Variants in CLMP observed in about 807,000 individuals in gnomAD.
CLMP encodes the protein CXADR like cell adhesion molecule, also known as CXADR-like membrane protein.
In CLMP, 27 loss-of-function variants were observed where a neutral mutation model predicts 45.2. The observed-to-expected ratio is 0.60, with a 90% CI of 0.44 to 0.82. The LOEUF (loss-of-function observed/expected upper bound fraction) is 0.82, where lower values mean the gene tolerates loss of function less well. Among genes scored for constraint, CLMP ranks in the 40% least tolerant of loss-of-function variants. CLMP has a pLI of 0.00. For missense variants in CLMP, 403 were observed against 448.4 expected, an observed-to-expected ratio of 0.90 and a Z score of 0.91; for synonymous variants, 167 against 171.4, an observed-to-expected ratio of 0.97 and a Z score of 0.20.
chr11:123,192,354 C>A (rs73017877), intron 1 of CLMP, among the ~76,000 whole-genome samples: 1 of 151,758 alleles, frequency 6.6e-6, no homozygotes, highest in Non-Finnish European at 1.5e-5. Context: ...ATTCCCCTAC[C>A]CCTATGCCCA....
At chr11:123,103,678 C>T (rs1481205309) in intron 1 of CLMP, among the ~76,000 whole-genome samples, 2 of 152,012 alleles carry the variant, frequency 1.3e-5, no homozygotes, top group Non-Finnish European at 2.9e-5. Flanking sequence ...TTTCTAAGGT[C>T]CTTCTCCTTC....
At chr11:123,085,751 G>A (rs920987614) in intron 2 of CLMP, among the ~76,000 whole-genome samples, 13 of 149,820 alleles carry the variant, frequency 8.7e-5, no homozygotes, top group Non-Finnish European at 1.8e-4. Flanking sequence ...ATTTCACTAA[G>A]CCGAACTAAT....
chr11:123,187,753 A>G lies in CLMP; in HGVS notation c.28+7160T>C, dbSNP rs188592650. ...GTAACTGTGTCACTGGCAGGTTGTG[A>G]TGAAGAATGAGACCATAACCTTCAA... On this transcript the variant is annotated intron_variant, in intron 1 of 6. Coordinates refer to ENST00000448775, the MANE Select transcript of CLMP (RefSeq NM_024769.5). 8.2e-3 allele frequency among the ~76,000 whole-genome samples: 1,254 copies of G among 152,234 alleles called. 24 individuals carry two copies. Among genetic ancestry groups the G allele is most frequent in the African/African-American group, 0.028 (1,181 of 41,546 alleles).
chr11:123,073,453 G>T lies in CLMP; in HGVS notation c.*21C>A, dbSNP rs1442548711. The stretch of plus-strand genomic sequence containing the variant: ...AAGACCCTGACTCCTAGGAAAGCGT[G>T]GGAGTCAAGTCCATTGTAATTCAGA... On this transcript the variant is annotated 3_prime_UTR_variant, in exon 7 of 7. Transcript: ENST00000448775. The T allele has an allele frequency of 3.2e-6, 5 of 1,583,184 alleles. No individual in the cohort carries two copies. Among genetic ancestry groups the T allele is most frequent in the Non-Finnish European group, 4.3e-6 (5 of 1,163,438 alleles).
intron 1 of CLMP, among the ~76,000 whole-genome samples, chr11:123,184,060 G>C (rs1483149966): frequency 2.0e-5 from 3 of 152,230 alleles, no homozygotes; most frequent in Admixed American, 2.0e-4. Context: ...TGCTAACATA[G>C]GGATAAGCAC....
chr11:123,096,529 A>T (rs1865991409), intron 2 of CLMP, among the ~76,000 whole-genome samples: 2 of 152,128 alleles, frequency 1.3e-5, no homozygotes, highest in African/African-American at 4.8e-5. Flanking sequence ...GTCCCAAAAT[A>T]AAAAAATAAA....
At chr11:123,089,582 G>A (rs922367326) in intron 2 of CLMP, among the ~76,000 whole-genome samples, 6 of 151,064 alleles carry the variant, frequency 4.0e-5, no homozygotes, top group South Asian at 2.1e-4. Context: ...TGGCTAACAC[G>A]GTGAAACCCC....
chr11:123,119,607 T>TCC (rs1860785056), intron 1 of CLMP, among the ~76,000 whole-genome samples: 2 of 151,918 alleles, frequency 1.3e-5, no homozygotes, highest in African/African-American at 4.8e-5. Context: ...CAAAATAGTA[T>TCC]ACAGTGAAAA....
At chr11:123,191,145 A>C (rs1002506425) in intron 1 of CLMP, among the ~76,000 whole-genome samples, 24 of 152,218 alleles carry the variant, frequency 1.6e-4, no homozygotes, top group Non-Finnish European at 3.4e-4. Flanking sequence ...CTGGGACTCA[A>C]AATTTTAAGA....
At chr11:123,164,060 T>C (rs1861523453) in intron 1 of CLMP, among the ~76,000 whole-genome samples, 2 of 152,184 alleles carry the variant, frequency 1.3e-5, no homozygotes, top group Non-Finnish European at 2.9e-5. Context: ...CAACATGGCC[T>C]ACCATTTATT....
chr11:123,114,424 T>TTCCCTCCCTCCA (rs1860690291), intron 1 of CLMP, among the ~76,000 whole-genome samples: 1 of 124,864 alleles, frequency 8.0e-6, no homozygotes, highest in Non-Finnish European at 1.7e-5. Context: ...TGCATTTTCT[T>TTCCCTCCCTCCA]TCCCTCCCTC....
chr11:123,136,333 G>GT, intron 1 of CLMP: 1 of 603,862 alleles, frequency 1.7e-6, no homozygotes, highest in Non-Finnish European at 3.2e-6. Flanking sequence ...CCAACACTTC[G>GT]TAAGAGTCGT....
intron 1 of CLMP, among the ~76,000 whole-genome samples, chr11:123,137,125 A>G (rs1250888839): frequency 7.1e-6 from 1 of 141,596 alleles, no homozygotes; most frequent in African/African-American, 2.7e-5. Context: ...TTCCTTGCAG[A>G]CCTTTCTCTT....
chr11:123,076,813 G>C (rs1865745739), intron 5 of CLMP, among the ~76,000 whole-genome samples: 1 of 152,028 alleles, frequency 6.6e-6, no homozygotes, highest in Admixed American at 6.6e-5. Flanking sequence ...GGCTGCTCTA[G>C]GGAAAATAAA....
At chr11:123,123,075 T>A (rs540440322) in intron 1 of CLMP, among the ~76,000 whole-genome samples, 1 of 151,996 alleles carries the variant, frequency 6.6e-6, no homozygotes, top group African/African-American at 2.4e-5. Flanking sequence ...GGAAAAATAT[T>A]TGTTTAAATC....
chr11:123,092,446 C>T (rs1273256541), intron 2 of CLMP, among the ~76,000 whole-genome samples: 1 of 151,944 alleles, frequency 6.6e-6, no homozygotes, highest in African/African-American at 2.4e-5. Flanking sequence ...TACAGGCACA[C>T]ACCACCACGC....
chr11:123,133,993 C>T (rs919012435), intron 1 of CLMP, among the ~76,000 whole-genome samples: 8 of 152,154 alleles, frequency 5.3e-5, no homozygotes, highest in African/African-American at 1.9e-4. Context: ...TAGGCAGTGG[C>T]TCCTGTCTAT....
intron 1 of CLMP, among the ~76,000 whole-genome samples, chr11:123,167,623 G>A (rs1861577054): frequency 6.6e-6 from 1 of 151,902 alleles, no homozygotes; most frequent in South Asian, 2.1e-4. Flanking sequence ...TGGCCAGTTT[G>A]GCTGCAGATA....
At chr11:123,142,988 A>C (rs2135518591) in intron 1 of CLMP, among the ~76,000 whole-genome samples, 1 of 152,286 alleles carries the variant, frequency 6.6e-6, no homozygotes, top group African/African-American at 2.4e-5. Flanking sequence ...TCTTCTTGCC[A>C]GGCCAAAGTC....
Sources: gnomAD v4.1 joint callset for allele counts (sites outside exome capture counted in the v4.1 genomes callset) on GRCh38, gnomAD v4.1.1 for gene constraint, MANE v1.5 for transcripts, NCBI Gene and HGNC (gene_info 2026-07-23, HGNC 2026-07-21) for gene names.